The following DRD2 variants were observed in gnomAD, a reference collection of about 807,000 sequenced individuals.
DRD2 encodes the protein D(2) dopamine receptor.
Under a neutral mutation model 38.0 loss-of-function variants are expected in DRD2, and 8 were observed. The ratio of observed to expected loss-of-function variants is 0.21; its 90% CI spans 0.12 to 0.38. The LOEUF is 0.38. Ranked by LOEUF, DRD2 falls within the 10% of genes least tolerant of loss-of-function variation. DRD2 has a pLI of 1.00. For synonymous variants in DRD2, 230 were observed against 238.6 expected, an observed-to-expected ratio of 0.96 and a Z score of 0.33; for missense variants, 403 against 607.7, an observed-to-expected ratio of 0.66 and a Z score of 3.54.
At position 113,410,309 on chromosome 11, in the gene DRD2, T is replaced by A; in HGVS notation, c.*418A>T. On this transcript the variant is annotated 3_prime_UTR_variant, in exon 8 of 8. Coordinates refer to ENST00000362072, the MANE Select transcript of DRD2 (RefSeq NM_000795.4). Reference sequence around the variant, plus strand: ...TGTGGGCCTTGCAGGGTGTGAACTGTCCATCTCTCCCCACCGCCTGCTCCA... The same window carrying A: ...TGTGGGCCTTGCAGGGTGTGAACTGACCATCTCTCCCCACCGCCTGCTCCA... The A allele has an allele frequency of 2.7e-6, 1 of 370,430 alleles. No homozygotes were observed. The highest frequency in any genetic ancestry group is 2.9e-5 in the South Asian group (1 of 34,528). The allele number at this position is 370,430 out of a possible 1,614,324, so 22.9% of individuals were successfully genotyped here.
chr11:113,415,367 C>T (rs1950815153), intron 5 of DRD2, 54 bp downstream of exon 5: 2 of 1,559,836 alleles, frequency 1.3e-6, no homozygotes, highest in African/African-American at 2.7e-5. Context: ...GATGAGCCCT[C>T]TTGGTAATGG....
chr11:113,417,167 G>C lies in DRD2; in HGVS notation c.396-168C>G, dbSNP rs925075756. Among the ~76,000 whole-genome samples the C allele has an allele frequency of 8.5e-5, 13 of 152,342 alleles. No homozygotes were observed. In the East Asian group the frequency reaches 2.5e-3, roughly 29 times the overall value. Reference sequence around the variant, plus strand: ...ACCCTCCCTCCTGTCCCCAAACTCAGATGGCGAGGACAGTTGGCAAAGCCC... The same window carrying C: ...ACCCTCCCTCCTGTCCCCAAACTCACATGGCGAGGACAGTTGGCAAAGCCC... On this transcript the variant is annotated intron_variant, in intron 3 of 7. Coordinates refer to ENST00000362072, the MANE Select transcript of DRD2 (RefSeq NM_000795.4).
At chr11:113,432,962 A>G (rs1244958056) in intron 1 of DRD2, among the ~76,000 whole-genome samples, 1 of 152,192 alleles carries the variant, frequency 6.6e-6, no homozygotes, top group African/African-American at 2.4e-5. Flanking sequence ...TGGCAGAGGA[A>G]ATGGAGACCT....
At chr11:113,457,754 C>T (rs1055291197) in intron 1 of DRD2, among the ~76,000 whole-genome samples, 29 of 152,274 alleles carry the variant, frequency 1.9e-4, no homozygotes, top group Non-Finnish European at 4.4e-5. Context: ...AAATTATGGG[C>T]TGTCCGAGTG....
In DRD2 at chr11:113,410,694, G is replaced by T; in HGVS notation, c.*33C>A. ...GCTGGCCGGCCTGGGCAGGGAGGTG[G>T]GAAGCAGGCTGCTGTGCGGGCAGGC... On this transcript the variant is annotated 3_prime_UTR_variant, in exon 8 of 8. Coordinates refer to ENST00000362072, the MANE Select transcript of DRD2 (RefSeq NM_000795.4). 6.2e-7 allele frequency: 1 copy of T among 1,613,604 alleles called. No individual in the cohort carries two copies. The highest frequency in any genetic ancestry group is 1.1e-5 in the South Asian group (1 of 91,032).
chr11:113,421,925 C>T (rs186670099), intron 2 of DRD2, among the ~76,000 whole-genome samples: 255 of 152,262 alleles, frequency 1.7e-3, no homozygotes, highest in Non-Finnish European at 2.5e-3. Context: ...GCACCCTCCT[C>T]CCCTGACACA....
intron 1 of DRD2, among the ~76,000 whole-genome samples, chr11:113,428,612 A>T (rs1177484250): frequency 1.3e-5 from 2 of 151,964 alleles, no homozygotes; most frequent in African/African-American, 2.4e-5. Context: ...AGGAGGGAGG[A>T]TGTAAACTGG....
At chr11:113,437,790 A>G (rs562285069) in intron 1 of DRD2, among the ~76,000 whole-genome samples, 15 of 152,192 alleles carry the variant, frequency 9.9e-5, no homozygotes, top group African/African-American at 2.6e-4. Context: ...CTCCTCCCCA[A>G]TGCTCCCTTT....
intron 6 of DRD2, among the ~76,000 whole-genome samples, chr11:113,413,152 G>T (rs1220353900): frequency 1.3e-5 from 2 of 152,228 alleles, no homozygotes; most frequent in Non-Finnish European, 2.9e-5. Flanking sequence ...CCAGGGACTT[G>T]TCTCTCATGG....
intron 1 of DRD2, among the ~76,000 whole-genome samples, chr11:113,465,592 C>T (rs1395909901): frequency 6.6e-6 from 1 of 152,206 alleles, no homozygotes; most frequent in Non-Finnish European, 1.5e-5. Context: ...TTTGGCCTTA[C>T]CTTGTACCAT....
chr11:113,424,482 A>C lies in DRD2; in HGVS notation c.170T>G (p.Met57Arg). ...VIVFGNVLVC[M>R]AVSREKALQT... is the part of the protein sequence containing the mutation. ...CAGCGCCTTCTCGCGGGACACAGCC[A>C]TGCACACCAGCACGTTGCCGAAGAC... Residue 57 changes from methionine (M) to arginine (R), a missense_variant, in exon 2 of 8, where the codon ATG becomes AGG. Transcript: ENST00000362072. 1 of 1,614,260 alleles carries C rather than the reference A, an allele frequency of 6.2e-7. No homozygotes were observed. The highest frequency in any genetic ancestry group is 8.5e-7 in the Non-Finnish European group (1 of 1,180,052).
intron 1 of DRD2, among the ~76,000 whole-genome samples, chr11:113,441,182 G>A (rs370992335): frequency 6.6e-6 from 1 of 152,210 alleles, no homozygotes; most frequent in African/African-American, 2.4e-5. Flanking sequence ...TTCCTACAAT[G>A]AGCCACATGC....
chr11:113,460,523 A>G (rs1249095041), intron 1 of DRD2, among the ~76,000 whole-genome samples: 1 of 152,240 alleles, frequency 6.6e-6, no homozygotes, highest in Non-Finnish European at 1.5e-5. Context: ...TTTTCTAGAC[A>G]GAAGAATGTT....
chr11:113,470,978 G>C (rs1360634390), intron 1 of DRD2, among the ~76,000 whole-genome samples: 2 of 152,136 alleles, frequency 1.3e-5, no homozygotes, highest in Non-Finnish European at 2.9e-5. Flanking sequence ...CAGCTGCCAA[G>C]GGTATTGATT....
At chr11:113,463,535 G>A (rs901986528) in intron 1 of DRD2, among the ~76,000 whole-genome samples, 2 of 152,152 alleles carry the variant, frequency 1.3e-5, no homozygotes, top group Admixed American at 6.5e-5. Context: ...GGAATGTCTC[G>A]TCTGAATCAC....
intron 1 of DRD2, among the ~76,000 whole-genome samples, chr11:113,425,629 C>T (rs1281203883): frequency 6.6e-6 from 1 of 151,866 alleles, no homozygotes; most frequent in Admixed American, 6.6e-5. Flanking sequence ...AAGCGGGACA[C>T]CAACTGGGAG....
chr11:113,415,966 C>T (rs1461440614), intron 4 of DRD2, among the ~76,000 whole-genome samples: 1 of 152,130 alleles, frequency 6.6e-6, no homozygotes, highest in Admixed American at 6.5e-5. Context: ...AAGAGTAAAC[C>T]ATCTTTTTAG....
chr11:113,470,366 C>A (rs1951412137), intron 1 of DRD2, among the ~76,000 whole-genome samples: 1 of 152,176 alleles, frequency 6.6e-6, no homozygotes, highest in Non-Finnish European at 1.5e-5. Flanking sequence ...GCCACAGCTG[C>A]AGTTCTGTGC....
intron 1 of DRD2, among the ~76,000 whole-genome samples, chr11:113,446,782 C>A (rs1437069348): frequency 6.6e-6 from 1 of 152,200 alleles, no homozygotes; most frequent in East Asian, 1.9e-4. Context: ...AGAGAGAAGT[C>A]CTGTGGAGGC....
Sources: allele counts gnomAD v4.1 joint callset (sites outside exome capture counted in the v4.1 genomes callset), GRCh38; gene constraint gnomAD v4.1.1; transcripts MANE v1.5; gene names NCBI Gene and HGNC (gene_info 2026-07-23, HGNC 2026-07-21).